Variants in GRXCR1 observed in about 807,000 individuals in gnomAD.
GRXCR1 encodes the protein glutaredoxin and cysteine rich domain containing 1.
Under a neutral mutation model 27.3 loss-of-function variants are expected in GRXCR1, and 27 were observed. The observed-to-expected ratio is 0.99, with a 90% CI of 0.73 to 1.37. The LOEUF (loss-of-function observed/expected upper bound fraction) is 1.37. Among genes scored for constraint, GRXCR1 ranks in the 40% most tolerant of loss-of-function variants. The pLI, the probability that GRXCR1 is intolerant of heterozygous loss-of-function variation, is 0.00. For missense variants in GRXCR1, 379 were observed against 354.4 expected (o/e 1.07, Z -0.56); for synonymous variants, 122 against 131.1 (o/e 0.93, Z 0.47).
At chr4:42,914,424 C>A (rs1440659653) in intron 1 of GRXCR1, among the ~76,000 whole-genome samples, 1 of 152,220 alleles carries the variant, frequency 6.6e-6, no homozygotes, top group Admixed American at 6.5e-5. Context: ...GAATTTTGAA[C>A]TTGCATGGGG....
At chr4:42,956,323 G>A (rs949965969) in intron 1 of GRXCR1, among the ~76,000 whole-genome samples, 2 of 152,016 alleles carry the variant, frequency 1.3e-5, no homozygotes, top group African/African-American at 4.8e-5. Context: ...TCCTTCATAC[G>A]CTATTCCCAT....
chr4:42,939,844 A>T (rs776621064), intron 1 of GRXCR1, among the ~76,000 whole-genome samples: 40 of 151,912 alleles, frequency 2.6e-4, no homozygotes, highest in Non-Finnish European at 4.4e-4. Flanking sequence ...GCCCAGGGGT[A>T]TATCCTCCTC....
At chr4:43,028,998 T>C (rs1713340722) in intron 3 of GRXCR1, among the ~76,000 whole-genome samples, 1 of 152,216 alleles carries the variant, frequency 6.6e-6, no homozygotes. Flanking sequence ...AGTCAAACTA[T>C]AATTGCAAGT....
rs149334651 is a variant in GRXCR1 at position 42,949,209 on chromosome 4, C to A, written c.385-13683C>A. Among the ~76,000 whole-genome samples the A allele has an allele frequency of 6.4e-3, 956 of 149,192 alleles. 9 individuals carry two copies. Among genetic ancestry groups the A allele is most frequent in the African/African-American group, 0.022 (890 of 40,812 alleles). ...TCTCCACTAAAAATACACACACACA[C>A]AAAAAAAAAGCTGGGTGTGGTGGCC... is the stretch of plus-strand genomic sequence containing the variant. On this transcript the variant is annotated intron_variant, in intron 1 of 3. Transcript: ENST00000399770.
intron 3 of GRXCR1, among the ~76,000 whole-genome samples, chr4:43,022,999 G>C (rs1181915618): frequency 1.3e-5 from 2 of 152,156 alleles, no homozygotes; most frequent in African/African-American, 2.4e-5. Flanking sequence ...TAGGTAGTCA[G>C]TATTTGATTT....
chr4:42,902,582 A>G (rs1211582058), intron 1 of GRXCR1, among the ~76,000 whole-genome samples: 1 of 152,170 alleles, frequency 6.6e-6, no homozygotes, highest in African/African-American at 2.4e-5. Flanking sequence ...TAGTGCTGCA[A>G]TGAACATACG....
chr4:43,005,537 T>C (rs572857223), intron 2 of GRXCR1, among the ~76,000 whole-genome samples: 1 of 152,294 alleles, frequency 6.6e-6, no homozygotes, highest in South Asian at 2.1e-4. Flanking sequence ...TGCTGTATCA[T>C]CCAACTTTAT....
intron 1 of GRXCR1, among the ~76,000 whole-genome samples, chr4:42,929,848 C>A (rs572511632): frequency 2.0e-5 from 3 of 151,990 alleles, no homozygotes; most frequent in Admixed American, 6.5e-5. Context: ...CATTTTTATA[C>A]CCTCTGTGCA....
chr4:42,981,118 T>A (rs1447637999), intron 2 of GRXCR1, among the ~76,000 whole-genome samples: 1 of 151,788 alleles, frequency 6.6e-6, no homozygotes, highest in Non-Finnish European at 1.5e-5. Flanking sequence ...CCTTCTGCTG[T>A]CTTCCTTTGT....
At chr4:42,954,681 T>C (rs368707300) in intron 1 of GRXCR1, among the ~76,000 whole-genome samples, 2 of 152,146 alleles carry the variant, frequency 1.3e-5, no homozygotes, top group Non-Finnish European at 2.9e-5. Flanking sequence ...TTGTGTCTTA[T>C]AGAGGCACAT....
intron 2 of GRXCR1, among the ~76,000 whole-genome samples, chr4:42,994,706 T>G (rs1301452608): frequency 6.6e-6 from 1 of 152,028 alleles, no homozygotes; most frequent in East Asian, 1.9e-4. Flanking sequence ...TTACCCAAAC[T>G]AGAGAGTGAA....
chr4:42,994,029 G>A (rs1209403647), intron 2 of GRXCR1, among the ~76,000 whole-genome samples: 2 of 152,142 alleles, frequency 1.3e-5, no homozygotes, highest in Non-Finnish European at 2.9e-5. Context: ...AGGAAAGGAA[G>A]AAATGTTTTA....
Position 42,897,833 on chromosome 4 carries a change from G to T in GRXCR1, c.384+4183G>T, listed in dbSNP as rs560226892. ...ATTTTTCAGTAATGAGGAATAAAATGTTATTTTGCATTTTACACAGGGATT... is the reference window on the plus strand; with the variant it reads ...ATTTTTCAGTAATGAGGAATAAAATTTTATTTTGCATTTTACACAGGGATT... On this transcript the variant is annotated intron_variant, in intron 1 of 3. Coordinates refer to ENST00000399770, the MANE Select transcript of GRXCR1 (RefSeq NM_001080476.3). Among the ~76,000 whole-genome samples, 403 of 151,482 alleles carry T rather than the reference G, an allele frequency of 2.7e-3. 3 individuals are homozygous for T. The highest frequency in any genetic ancestry group is 1.5e-3 in the East Asian group (8 of 5,164).
intron 1 of GRXCR1, among the ~76,000 whole-genome samples, chr4:42,947,307 C>T (rs147750597): frequency 6.6e-6 from 1 of 151,944 alleles, no homozygotes; most frequent in Non-Finnish European, 1.5e-5. Context: ...CCAGACATGT[C>T]AGGGAAAACT....
chr4:42,995,511 A>G (rs958211337), intron 2 of GRXCR1, among the ~76,000 whole-genome samples: 25 of 152,266 alleles, frequency 1.6e-4, no homozygotes, highest in African/African-American at 6.0e-4. Context: ...TAATTGCACA[A>G]TTGTGTACCA....
intron 1 of GRXCR1, among the ~76,000 whole-genome samples, chr4:42,958,718 C>T (rs761176851): frequency 1.3e-5 from 2 of 151,832 alleles, no homozygotes; most frequent in East Asian, 1.9e-4. Context: ...AACTCAATAG[C>T]AAAAACCAAA....
intron 1 of GRXCR1, among the ~76,000 whole-genome samples, chr4:42,908,516 T>C (rs1746647960): frequency 6.6e-6 from 1 of 152,166 alleles, no homozygotes; most frequent in Admixed American, 6.6e-5. Flanking sequence ...TTTGCAGAAT[T>C]GTGTGCAGTA....
chr4:42,934,887 C>A (rs994810072), intron 1 of GRXCR1, among the ~76,000 whole-genome samples: 3 of 151,946 alleles, frequency 2.0e-5, no homozygotes, highest in African/African-American at 7.2e-5. Flanking sequence ...TGGTCAGTTA[C>A]ACTTTTCTCT....
intron 2 of GRXCR1, among the ~76,000 whole-genome samples, chr4:42,999,849 A>C (rs925713083): frequency 6.6e-6 from 1 of 152,246 alleles, no homozygotes; most frequent in Non-Finnish European, 1.5e-5. Context: ...GTAAAAGACA[A>C]TAAACCTACT....
Sources: gnomAD v4.1 joint callset for allele counts (sites outside exome capture counted in the v4.1 genomes callset) on GRCh38, gnomAD v4.1.1 for gene constraint, MANE v1.5 for transcripts, NCBI Gene and HGNC (gene_info 2026-07-23, HGNC 2026-07-21) for gene names.